Variants in RORB observed in about 807,000 individuals in gnomAD.
RORB encodes the protein RAR related orphan receptor B.
RORB carries 6 observed loss-of-function variants against 59.1 expected under a neutral mutation model. The observed-to-expected ratio is 0.10, with a 90% CI of 0.06 to 0.20. The LOEUF (loss-of-function observed/expected upper bound fraction) is 0.20. Ranked by LOEUF, RORB falls within the 10% of genes least tolerant of loss-of-function variation. The pLI is 1.00. For synonymous variants in RORB, 215 were observed against 204.5 expected, an observed-to-expected ratio of 1.05 and a Z score of -0.44; for missense variants, 320 against 560.5, an observed-to-expected ratio of 0.57 and a Z score of 4.33.
chr9:74,509,827 G>A (rs1825912178), intron 1 of RORB, among the ~76,000 whole-genome samples: 1 of 151,958 alleles, frequency 6.6e-6, no homozygotes, highest in Non-Finnish European at 1.5e-5. Context: ...CATTAAGAAG[G>A]TGCCATGTCT....
intron 3 of RORB, among the ~76,000 whole-genome samples, chr9:74,641,074 G>A (rs906670689): frequency 6.6e-6 from 1 of 152,192 alleles, no homozygotes; most frequent in African/African-American, 2.4e-5. Flanking sequence ...CTAACACCAA[G>A]AGGTGGTGGG....
At chr9:74,540,060 A>G (rs1176783814) in intron 1 of RORB, among the ~76,000 whole-genome samples, 2 of 152,178 alleles carry the variant, frequency 1.3e-5, no homozygotes, top group East Asian at 3.9e-4. Context: ...AGAATTTACA[A>G]CCTTCGCACC....
rs564673844 is a variant in RORB at position 74,549,441 on chromosome 9, C to CAAA, written c.7+51469_7+51471dup. Among the ~76,000 whole-genome samples the CAAA allele has an allele frequency of 1.9e-3, 175 of 92,424 alleles. 20 individuals are homozygous for CAAA. The highest frequency in any genetic ancestry group is 4.8e-3 in the African/African-American group (117 of 24,210). 60.6% of individuals were successfully genotyped at this position (92,424 alleles called of 152,430 possible). A position where few individuals can be genotyped will look rare whatever the true frequency, so the allele number is the denominator to read the frequency against. ...CCTGGGCAACAGAGCAAAATTCCGT[C>CAAA]AAAAAAAAAAAAAGAAGAAAGAGAG... On this transcript the variant is annotated intron_variant, in intron 1 of 9. Coordinates refer to ENST00000376896, the MANE Select transcript of RORB (RefSeq NM_006914.4).
chr9:74,540,518 A>C (rs559503274), intron 1 of RORB, among the ~76,000 whole-genome samples: 1 of 152,384 alleles, frequency 6.6e-6, no homozygotes, highest in Non-Finnish European at 1.5e-5. Context: ...CAACGCATAC[A>C]GCAAATAAGA....
chr9:74,676,459 G>A (rs2118559184), intron 9 of RORB, among the ~76,000 whole-genome samples: 1 of 152,318 alleles, frequency 6.6e-6, no homozygotes, highest in South Asian at 2.1e-4. Context: ...TGCAGGCTTA[G>A]AGAGGATGTT....
intron 1 of RORB, among the ~76,000 whole-genome samples, chr9:74,562,888 C>A (rs1304605538): frequency 1.3e-5 from 2 of 152,216 alleles, no homozygotes; most frequent in Non-Finnish European, 2.9e-5. Context: ...CTGTTTCATT[C>A]TTGTTCCCTT....
At chr9:74,586,492 T>C (rs1048108858) in intron 1 of RORB, among the ~76,000 whole-genome samples, 5 of 152,058 alleles carry the variant, frequency 3.3e-5, no homozygotes, top group African/African-American at 7.2e-5. Context: ...AATGAGAACC[T>C]GTCTGAAAAG....
chr9:74,581,580 C>T (rs774929968), intron 1 of RORB, among the ~76,000 whole-genome samples: 5 of 152,128 alleles, frequency 3.3e-5, no homozygotes, highest in Admixed American at 6.5e-5. Flanking sequence ...GTTTGCAGAC[C>T]TCAAACCAAA....
chr9:74,524,003 CTT>C (rs10666385), intron 1 of RORB, among the ~76,000 whole-genome samples: 2 of 124,238 alleles, frequency 1.6e-5, no homozygotes, highest in Non-Finnish European at 3.3e-5. Flanking sequence ...TCAACGACAC[CTT>C]TTTTTTTTTT....
chr9:74,672,098 G>A (rs1824356270), intron 9 of RORB, among the ~76,000 whole-genome samples, 197 bp downstream of exon 9: 1 of 152,142 alleles, frequency 6.6e-6, no homozygotes, highest in South Asian at 2.1e-4. Flanking sequence ...TTCTTATAGA[G>A]GGATGATATT....
At chr9:74,568,177 C>A (rs944231968) in intron 1 of RORB, among the ~76,000 whole-genome samples, 28 of 152,012 alleles carry the variant, frequency 1.8e-4, no homozygotes, top group African/African-American at 6.3e-4. Context: ...AATAAAATTC[C>A]GTACTGGACA....
chr9:74,616,774 AC>A (rs1259290950), intron 1 of RORB, among the ~76,000 whole-genome samples: 1 of 152,114 alleles, frequency 6.6e-6, no homozygotes, highest in African/African-American at 2.4e-5. Context: ...ACATGAAGTT[AC>A]CTTCTACTGT....
chr9:74,632,596 C>A (rs1823637647), intron 2 of RORB, among the ~76,000 whole-genome samples: 1 of 151,998 alleles, frequency 6.6e-6, no homozygotes, highest in African/African-American at 2.4e-5. Flanking sequence ...ACCTCATTTG[C>A]AATAATGAGC....
At chr9:74,617,210 C>T (rs1422257682) in intron 1 of RORB, among the ~76,000 whole-genome samples, 1 of 151,620 alleles carries the variant, frequency 6.6e-6, no homozygotes, top group African/African-American at 2.4e-5. Context: ...TACAAATTAA[C>T]GTATAAGAAA....
At chr9:74,531,637 TG>T (rs749548724) in intron 1 of RORB, among the ~76,000 whole-genome samples, 3 of 152,012 alleles carry the variant, frequency 2.0e-5, no homozygotes, top group Non-Finnish European at 4.4e-5. Flanking sequence ...TTAAATAGAA[TG>T]ACAATCAAGT....
chr9:74,576,707 G>A (rs765648825), intron 1 of RORB, among the ~76,000 whole-genome samples: 5 of 152,064 alleles, frequency 3.3e-5, no homozygotes, highest in Non-Finnish European at 7.4e-5. Context: ...GGTGGGCTTA[G>A]AAAATGTTAT....
At chr9:74,598,486 A>AT (rs1007567100) in intron 1 of RORB, among the ~76,000 whole-genome samples, 3 of 151,686 alleles carry the variant, frequency 2.0e-5, no homozygotes, top group African/African-American at 7.3e-5. Flanking sequence ...ACTTTTTTAA[A>AT]TTTTTTTTTA....
At chr9:74,502,487 C>G (rs1290392213) in intron 1 of RORB, among the ~76,000 whole-genome samples, 2 of 152,032 alleles carry the variant, frequency 1.3e-5, no homozygotes, top group Non-Finnish European at 2.9e-5. Context: ...GTTTTTAGAC[C>G]TCTCATTACA....
intron 1 of RORB, among the ~76,000 whole-genome samples, chr9:74,521,476 A>T (rs1262464507): frequency 1.3e-5 from 2 of 151,866 alleles, no homozygotes; most frequent in Non-Finnish European, 2.9e-5. Flanking sequence ...ACAACAAAAA[A>T]ATCAAACACA....
Sources: allele counts gnomAD v4.1 joint callset (sites outside exome capture counted in the v4.1 genomes callset), GRCh38; gene constraint gnomAD v4.1.1; transcripts MANE v1.5; gene names NCBI Gene and HGNC (gene_info 2026-07-23, HGNC 2026-07-21).